The following CNP variants were observed in gnomAD, a reference collection of about 807,000 sequenced individuals.
The protein encoded by CNP is 2',3'-cyclic nucleotide 3' phosphodiesterase.
A neutral mutation model predicts 37.9 loss-of-function variants in CNP; 8 were observed. The ratio of observed to expected loss-of-function variants is 0.21; its 90% confidence interval spans 0.12 to 0.38. The LOEUF is 0.38. CNP is among the 10% of genes least tolerant of loss of function. The probability of loss-of-function intolerance (pLI) is 1.00; values close to 1 mark genes in which losing one functional copy is unlikely to be tolerated. For missense variants in CNP, 457 were observed against 551.0 expected (o/e 0.83, Z 1.71); for synonymous variants, 237 against 238.3 (o/e 0.99, Z 0.05).
Position 41,966,894 on chromosome 17 carries a change from G to T in CNP, c.3+7G>T. The stretch of plus-strand genomic sequence containing the variant: ...GGCGCCCCTCCTCATCATGGTGAGA[G>T]GCCGGGCGGGGCCGGGCACGGGGTA... On this transcript the variant is annotated splice_region_variant and intron_variant, in intron 1 of 3. Coordinates refer to ENST00000393892, the MANE Select transcript of CNP (RefSeq NM_033133.5). The T allele has an allele frequency of 7.5e-7, 1 of 1,341,942 alleles. No homozygotes were observed. Among genetic ancestry groups the T allele is most frequent in the South Asian group, 1.8e-5 (1 of 55,632 alleles). The allele number at this position is 1,341,942 out of a possible 1,614,324, so 83.1% of individuals were successfully genotyped here. A position where few individuals can be genotyped will look rare whatever the true frequency, so the allele number is the denominator to read the frequency against.
intron 2 of CNP, among the ~76,000 whole-genome samples, chr17:41,969,706 C>T (rs1434293678): frequency 1.2e-4 from 18 of 152,172 alleles, no homozygotes; most frequent in African/African-American, 4.1e-4. Context: ...CAGGTGTGCA[C>T]CACCACGTCC....
chr17:41,966,808 C>G lies in CNP; in HGVS notation c.-77C>G, dbSNP rs1387950081. On this transcript the variant is annotated 5_prime_UTR_variant, in exon 1 of 4. Transcript: ENST00000393892. ...TCGGGTCGTGCCACCGCTGGACTCC[C>G]GTGTCCCTCCGCGCAGGCGGGCGGC... 1 of 1,380,268 alleles carries G rather than the reference C, an allele frequency of 7.2e-7. No individual in the cohort carries two copies. Among genetic ancestry groups the G allele is most frequent in the Non-Finnish European group, 9.4e-7 (1 of 1,067,648 alleles). The allele number at this position is 1,380,268 out of a possible 1,614,324, so 85.5% of individuals were successfully genotyped here. A position where few individuals can be genotyped will look rare whatever the true frequency, so the allele number is the denominator to read the frequency against.
rs377381620 is a variant in CNP at position 41,968,625 on chromosome 17, G to A, written c.561G>A (p.Pro187=). The A allele has an allele frequency of 1.4e-4, 222 of 1,614,134 alleles. No individual in the cohort carries two copies. In the African/African-American group the frequency reaches 2.8e-3, roughly 20 times the overall value. ...CTGGGCTGGAGAAGGACTTCCTGCC[G>A]CTCTACTTCGGCTGGTTCCTGACCA... The part of the protein sequence containing the change: ...LKPGLEKDFL[P]LYFGWFLTKK... The change falls in exon 2 of 4, where the codon CCG becomes CCA. Residue 187 remains proline (P), a synonymous_variant. Transcript: ENST00000393892. This position sits in a 1 kb window ranked among gnomAD's most constrained non-coding sequence, Gnocchi z 4.8.
In CNP at chr17:41,976,659, A is replaced by T. The variant is rs1598109242; in HGVS notation, c.*2735A>T. ...CACACGGAGACGTGATGAAGGGAGG[A>T]GGTGAACTGTTTCCACATTCAAGAT... On this transcript the variant is annotated 3_prime_UTR_variant, in exon 4 of 4. Transcript: ENST00000393892. 1.3e-6 allele frequency: 2 copies of T among 1,568,532 alleles called. No homozygotes were observed. The highest frequency in any genetic ancestry group is 1.7e-6 in the Non-Finnish European group (2 of 1,151,308).
Position 41,976,549 on chromosome 17 carries a change from C to A in CNP, c.*2625C>A, listed in dbSNP as rs566144086. ...TCCACCCCCGCCTCCCTCCCCTGCC[C>A]TCGGTCTTCGGCATTGGTTCCCTTT... is the stretch of plus-strand genomic sequence containing the variant. On this transcript the variant is annotated 3_prime_UTR_variant, in exon 4 of 4. Coordinates refer to ENST00000393892, the MANE Select transcript of CNP (RefSeq NM_033133.5). 14 of 680,138 alleles carry A rather than the reference C, an allele frequency of 2.1e-5. No individual in the cohort carries two copies. In the Middle Eastern group the frequency reaches 1.2e-3, roughly 59 times the overall value. 42.1% of individuals were successfully genotyped at this position (680,138 alleles called of 1,614,324 possible).
At position 41,973,834 on chromosome 17, in the gene CNP, C is replaced by T. The variant is rs201242451; in HGVS notation, c.1176C>T (p.Ala392=). The part of the protein sequence containing the change: ...LTLAKNMEVR[A]IFTGYYGKGK... ...TGGCCAAGAACATGGAGGTCAGGGC[C>T]ATCTTCACGGGGTACTACGGGAAAG... The change falls in exon 4 of 4, where the codon GCC becomes GCT. Residue 392 remains alanine, a synonymous_variant. Transcript: ENST00000393892. 1.9e-6 allele frequency: 3 copies of T among 1,610,132 alleles called. No homozygotes were observed. Among genetic ancestry groups the T allele is most frequent in the Non-Finnish European group, 2.5e-6 (3 of 1,178,028 alleles).
Position 41,968,671 on chromosome 17 carries a change from C to T in CNP, c.607C>T (p.Arg203Cys), listed in dbSNP as rs372512737. 17 of 1,614,082 alleles carry T rather than the reference C, an allele frequency of 1.1e-5. No homozygotes were observed. The African/African-American group carries it at 1.2e-4, about 11-fold the overall frequency. The change falls in exon 2 of 4, where the codon CGC becomes TGC. Residue 203 changes from arginine (R) to cysteine (C), a missense_variant. This residue lies in a region of CNP where 291 missense variants were observed against 291.7 expected (regional missense o/e 1.00). Transcript: ENST00000393892. This position sits in a 1 kb window ranked among gnomAD's most constrained non-coding sequence, Gnocchi z 4.8. ...FLTKKSSETLRKAGQVFLEEL... is the reference protein window; with the variant it reads ...FLTKKSSETLCKAGQVFLEEL... ...GACCAAGAAGAGCTCTGAGACCCTC[C>T]GCAAAGCCGGCCAGGTCTTCCTGGA...
At position 41,968,172 on chromosome 17, in the gene CNP, C is replaced by G; in HGVS notation, c.108C>G (p.Phe36Leu). 1 of 1,614,234 alleles carries G rather than the reference C, an allele frequency of 6.2e-7. No homozygotes were observed. Among genetic ancestry groups the G allele is most frequent in the Non-Finnish European group, 8.5e-7 (1 of 1,180,042 alleles). Residue 36 changes from phenylalanine to leucine, a missense_variant, in exon 2 of 4, where the codon TTC (phenylalanine) becomes TTG (leucine). Around this residue, in one of 2 missense-constraint regions of CNP, gnomAD observed 166 missense variants for 259.3 expected, o/e 0.64. Transcript: ENST00000393892. The surrounding 1 kb of genome is among the most constrained non-coding windows in gnomAD (Gnocchi z 4.8). ...AKDKPELQFP[F>L]LQDEDTVATL... ...ACAAGCCTGAGCTGCAGTTTCCCTTCCTTCAGGATGAGGACACAGTGGCCA... is the reference window on the plus strand; with the variant it reads ...ACAAGCCTGAGCTGCAGTTTCCCTTGCTTCAGGATGAGGACACAGTGGCCA...
In CNP at chr17:41,973,503, TCACGCTGAC is replaced by T; in HGVS notation, c.848_856del (p.Thr283_Thr285del). On this transcript the variant is annotated inframe_deletion, in exon 4 of 4. Transcript: ENST00000393892. The stretch of plus-strand genomic sequence containing the variant: ...TTAAAGAAATCTTACTCCAAGGCCT[TCACGCTGAC>T]CATCTCTGCCCTCTTTGTGACACCC... 1 of 1,614,222 alleles carries T rather than the reference TCACGCTGAC, an allele frequency of 6.2e-7. No individual in the cohort carries two copies. The highest frequency in any genetic ancestry group is 8.5e-7 in the Non-Finnish European group (1 of 1,180,034).
Position 41,975,148 on chromosome 17 carries a change from A to C in CNP, c.*1224A>C, listed in dbSNP as rs1422442782. On this transcript the variant is annotated 3_prime_UTR_variant, in exon 4 of 4. Transcript: ENST00000393892. Reference sequence around the variant, plus strand: ...CCAACCTCAGCAACCTGTAAGACTGATAATGAAATAAATCATGTTAATCCT... The same window carrying C: ...CCAACCTCAGCAACCTGTAAGACTGCTAATGAAATAAATCATGTTAATCCT... 1 of 152,310 alleles carries C rather than the reference A, an allele frequency of 6.6e-6. No individual in the cohort carries two copies. Among genetic ancestry groups the C allele is most frequent in the Admixed American group, 6.5e-5 (1 of 15,282 alleles). 9.4% of individuals were successfully genotyped at this position (152,310 alleles called of 1,614,324 possible).
In CNP at chr17:41,976,584, C is replaced by A. The variant is rs781890591; in HGVS notation, c.*2660C>A. On this transcript the variant is annotated 3_prime_UTR_variant, in exon 4 of 4. Coordinates refer to ENST00000393892, the MANE Select transcript of CNP (RefSeq NM_033133.5). ...GGCATTGGTTCCCTTTGCTCCACCC[C>A]ACTCACAGAGACACAGGGCATCCAA... The A allele has an allele frequency of 4.0e-6, 4 of 998,200 alleles. No individual in the cohort carries two copies. The highest frequency in any genetic ancestry group is 3.3e-5 in the South Asian group (2 of 60,594). The allele number at this position is 998,200 out of a possible 1,614,324, so 61.8% of individuals were successfully genotyped here.
Position 41,976,837 on chromosome 17 carries a change from T to C in CNP, c.*2913T>C, listed in dbSNP as rs1275085222. 3 of 1,575,238 alleles carry C rather than the reference T, an allele frequency of 1.9e-6. No homozygotes were observed. The highest frequency in any genetic ancestry group is 2.6e-6 in the Non-Finnish European group (3 of 1,162,740). Reference sequence around the variant, plus strand: ...CTAAGGAAGATCACTTTGCTCTGATTATGGAAAAGTCTTCAAGGGCTGCTT... The same window carrying C: ...CTAAGGAAGATCACTTTGCTCTGATCATGGAAAAGTCTTCAAGGGCTGCTT... On this transcript the variant is annotated 3_prime_UTR_variant, in exon 4 of 4. Transcript: ENST00000393892.
Position 41,974,024 on chromosome 17 carries a change from T to TTA in CNP, c.*100_*101insTA. On this transcript the variant is annotated 3_prime_UTR_variant, in exon 4 of 4. Transcript: ENST00000393892. ...GTGACATTTTTTTTTTTTTTTTTTT[T>TTA]ACTCAAAGTTAACCTACCTGTAACT... 1.1e-6 allele frequency: 1 copy of TTA among 886,450 alleles called. No homozygotes were observed. Among genetic ancestry groups the TTA allele is most frequent in the Non-Finnish European group, 1.6e-6 (1 of 638,864 alleles). The allele number at this position is 886,450 out of a possible 1,614,324, so 54.9% of individuals were successfully genotyped here. A position where few individuals can be genotyped will look rare whatever the true frequency, so the allele number is the denominator to read the frequency against.
At chr17:41,970,036 G>A (rs2144562305) in intron 2 of CNP, among the ~76,000 whole-genome samples, 1 of 152,294 alleles carries the variant, frequency 6.6e-6, no homozygotes, top group Non-Finnish European at 1.5e-5. Flanking sequence ...CATTGGCCAG[G>A]AGCAAGCCCT....
chr17:41,968,152 C>G lies in CNP; in HGVS notation c.88C>G (p.Pro30Ala), dbSNP rs927838823. The G allele has an allele frequency of 1.2e-6, 2 of 1,614,230 alleles. No homozygotes were observed. The highest frequency in any genetic ancestry group is 1.7e-6 in the Non-Finnish European group (2 of 1,180,044). ...KMSSSGAKDK[P>A]ELQFPFLQDE... The stretch of plus-strand genomic sequence containing the variant: ...GTCATCCTCAGGGGCCAAGGACAAG[C>G]CTGAGCTGCAGTTTCCCTTCCTTCA... The change falls in exon 2 of 4, where the codon CCT (proline) becomes GCT (alanine). Residue 30 changes from proline to alanine, a missense_variant. Coordinates refer to ENST00000393892, the MANE Select transcript of CNP (RefSeq NM_033133.5). This position sits in a 1 kb window ranked among gnomAD's most constrained non-coding sequence, Gnocchi z 4.8.
At chr17:41,969,243 C>G (rs2050949061) in intron 2 of CNP, among the ~76,000 whole-genome samples, 1 of 152,180 alleles carries the variant, frequency 6.6e-6, no homozygotes, top group African/African-American at 2.4e-5. Flanking sequence ...GGATGGTTCT[C>G]AGGCCTCGGA....
chr17:41,968,675 A>T lies in CNP; in HGVS notation c.611A>T (p.Lys204Ile). The T allele has an allele frequency of 6.2e-7, 1 of 1,614,082 alleles. No homozygotes were observed. The highest frequency in any genetic ancestry group is 8.5e-7 in the Non-Finnish European group (1 of 1,180,000). Residue 204 changes from lysine to isoleucine, a missense_variant, in exon 2 of 4, where the codon AAA becomes ATA. Physicochemically the swap from Lys to Ile is moderately radical, Grantham distance 102 (BLOSUM62 -3). Coordinates refer to ENST00000393892, the MANE Select transcript of CNP (RefSeq NM_033133.5). This position sits in a 1 kb window ranked among gnomAD's most constrained non-coding sequence, Gnocchi z 4.8. ...LTKKSSETLR[K>I]AGQVFLEELG... ...AAGAAGAGCTCTGAGACCCTCCGCA[A>T]AGCCGGCCAGGTCTTCCTGGAAGAG...
At chr17:41,973,380 C>T in intron 3 of CNP, 95 bp from the exon 4 acceptor site, 1 of 1,186,868 alleles carries the variant, frequency 8.4e-7, no homozygotes, top group Non-Finnish European at 1.2e-6. Flanking sequence ...TGTTAGACTT[C>T]CCCTTCTCTC....
chr17:41,967,676 C>G (rs544354816), intron 1 of CNP: 1 of 1,036,908 alleles, frequency 9.6e-7, no homozygotes, highest in East Asian at 7.9e-5. Context: ...CACTCCCCCC[C>G]TTCTCTGTGC....
Sources: allele counts gnomAD v4.1 joint callset (sites outside exome capture counted in the v4.1 genomes callset), GRCh38; gene constraint gnomAD v4.1.1; regional missense constraint gnomAD v4.1.1; non-coding constraint Gnocchi (gnomAD v3.1); transcripts MANE v1.5; gene names NCBI Gene and HGNC (gene_info 2026-07-23, HGNC 2026-07-21).